SLC35F1: variants seen among roughly 807,000 people sequenced by gnomAD.
SLC35F1 encodes the protein solute carrier family 35 member F1.
Under a neutral mutation model 48.7 loss-of-function variants are expected in SLC35F1, and 14 were observed. The ratio of observed to expected loss-of-function variants is 0.29; its 90% CI spans 0.19 to 0.45. The LOEUF is 0.45. SLC35F1 is among the 20% of genes least tolerant of loss of function. The pLI, the probability that SLC35F1 is intolerant of heterozygous loss-of-function variation, is 1.00. For missense variants in SLC35F1, 404 were observed against 500.0 expected, an observed-to-expected ratio of 0.81 and a Z score of 1.83; for synonymous variants, 190 against 202.2, an observed-to-expected ratio of 0.94 and a Z score of 0.51.
intron 3 of SLC35F1, among the ~76,000 whole-genome samples, chr6:118,262,376 C>T (rs943890327): frequency 9.2e-5 from 14 of 151,662 alleles, no homozygotes; most frequent in African/African-American, 3.4e-4. Flanking sequence ...ATAAGATGGT[C>T]AGAGATCAGC....
intron 2 of SLC35F1, among the ~76,000 whole-genome samples, chr6:118,201,040 T>C (rs546221222): frequency 6.6e-6 from 1 of 152,122 alleles, no homozygotes; most frequent in African/African-American, 2.4e-5. Context: ...GCCCCCCAAG[T>C]AGCTGGGACT....
intron 1 of SLC35F1, among the ~76,000 whole-genome samples, chr6:117,971,773 A>G (rs894303779): frequency 3.3e-5 from 5 of 152,256 alleles, no homozygotes; most frequent in Admixed American, 6.5e-5. Context: ...GGCTAGAGCT[A>G]TAGCAGCTGG....
At chr6:118,294,800 T>C (rs1468451076) in intron 7 of SLC35F1, among the ~76,000 whole-genome samples, 1 of 152,094 alleles carries the variant, frequency 6.6e-6, no homozygotes, top group Non-Finnish European at 1.5e-5. Context: ...GAAAGTGTTT[T>C]TTATCATACA....
At chr6:117,995,444 G>C (rs1465552282) in intron 1 of SLC35F1, among the ~76,000 whole-genome samples, 1 of 152,170 alleles carries the variant, frequency 6.6e-6, no homozygotes, top group African/African-American at 2.4e-5. Context: ...AATGAATGAA[G>C]CCATGAATGA....
At chr6:118,055,955 T>G (rs12191412) in intron 1 of SLC35F1, among the ~76,000 whole-genome samples, 1 of 152,054 alleles carries the variant, frequency 6.6e-6, no homozygotes, top group East Asian at 1.9e-4. Context: ...AGTCAGCATT[T>G]CAGAAAGACA....
intron 1 of SLC35F1, among the ~76,000 whole-genome samples, chr6:117,972,617 T>C (rs1335450421): frequency 6.6e-6 from 1 of 152,202 alleles, no homozygotes; most frequent in African/African-American, 2.4e-5. Flanking sequence ...ACATCTTACA[T>C]GGTGGCAGGC....
At chr6:118,090,044 T>G (rs983407166) in intron 1 of SLC35F1, among the ~76,000 whole-genome samples, 1 of 152,192 alleles carries the variant, frequency 6.6e-6, no homozygotes, top group African/African-American at 2.4e-5. Flanking sequence ...AAACTAATTC[T>G]GAGACTGAGT....
intron 2 of SLC35F1, among the ~76,000 whole-genome samples, chr6:118,225,233 G>C (rs1931976): frequency 0.93 from 142,149 of 152,278 alleles, 66,408 homozygotes; most frequent in East Asian, 0.98. Context: ...CTACCTGACT[G>C]CAAAATATAC....
chr6:118,216,178 A>G (rs1775070007), intron 2 of SLC35F1, among the ~76,000 whole-genome samples: 1 of 151,244 alleles, frequency 6.6e-6, no homozygotes, highest in Non-Finnish European at 1.5e-5. Flanking sequence ...CCTGGGCTCA[A>G]GTGATCCTAC....
chr6:117,999,216 T>A, intron 1 of SLC35F1: 1 of 1,595,952 alleles, frequency 6.3e-7, no homozygotes, highest in Non-Finnish European at 8.5e-7. Flanking sequence ...CCCAAGGAGG[T>A]TAAGCCCAAG....
At chr6:118,118,016 G>C (rs1773497132) in intron 1 of SLC35F1, among the ~76,000 whole-genome samples, 1 of 152,076 alleles carries the variant, frequency 6.6e-6, no homozygotes, top group African/African-American at 2.4e-5. Flanking sequence ...GTTTTTGGCT[G>C]TTATGAATAA....
chr6:118,110,327 G>A (rs1773381591), intron 1 of SLC35F1, among the ~76,000 whole-genome samples: 1 of 152,132 alleles, frequency 6.6e-6, no homozygotes, highest in South Asian at 2.1e-4. Context: ...AGCCTACGGG[G>A]AGCAGAGGCC....
At chr6:118,256,884 T>C (rs1775652868) in intron 3 of SLC35F1, among the ~76,000 whole-genome samples, 1 of 152,184 alleles carries the variant, frequency 6.6e-6, no homozygotes, top group South Asian at 2.1e-4. Context: ...ATTTGGGCCA[T>C]GGAGTTGTGA....
At chr6:118,211,589 G>A (rs1398360991) in intron 2 of SLC35F1, among the ~76,000 whole-genome samples, 2 of 152,162 alleles carry the variant, frequency 1.3e-5, no homozygotes, top group Non-Finnish European at 1.5e-5. Flanking sequence ...ATGATCAATT[G>A]GAGAACAACA....
intron 1 of SLC35F1, among the ~76,000 whole-genome samples, chr6:117,997,649 C>G (rs1777015764): frequency 1.3e-5 from 2 of 152,144 alleles, no homozygotes; most frequent in African/African-American, 4.8e-5. Flanking sequence ...AATTTTCAAC[C>G]CAGAATTTCA....
intron 1 of SLC35F1, among the ~76,000 whole-genome samples, chr6:118,086,840 A>C (rs540144132): frequency 2.0e-5 from 3 of 152,160 alleles, no homozygotes; most frequent in African/African-American, 7.2e-5. Flanking sequence ...AGGCTTGCCC[A>C]TGCAGCTCCT....
chr6:118,265,027 A>G (rs1775754732), intron 3 of SLC35F1, among the ~76,000 whole-genome samples: 1 of 152,250 alleles, frequency 6.6e-6, no homozygotes. Context: ...GCTACTTAGC[A>G]TTCACGTGGT....
chr6:118,121,029 T>A (rs1046706605), intron 1 of SLC35F1, among the ~76,000 whole-genome samples: 5 of 152,094 alleles, frequency 3.3e-5, no homozygotes, highest in Non-Finnish European at 7.4e-5. Flanking sequence ...AACTCAAATC[T>A]TTTTCAAAGA....
At chr6:118,132,267 G>A (rs1029172925) in intron 1 of SLC35F1, among the ~76,000 whole-genome samples, 1 of 152,186 alleles carries the variant, frequency 6.6e-6, no homozygotes, top group Non-Finnish European at 1.5e-5. Context: ...AAGGGAAAAC[G>A]AAGTAAAATA....
Sources: gnomAD v4.1 joint callset for allele counts (sites outside exome capture counted in the v4.1 genomes callset) on GRCh38, gnomAD v4.1.1 for gene constraint, MANE v1.5 for transcripts, NCBI Gene and HGNC (gene_info 2026-07-23, HGNC 2026-07-21) for gene names.